Variants in SORT1 observed in about 807,000 individuals in gnomAD.
SORT1 encodes sortilin.
Under a neutral mutation model 101.7 loss-of-function variants are expected in SORT1, and 39 were observed. That is an observed-to-expected ratio of 0.38 (90% CI 0.30 to 0.50). The LOEUF is 0.50. Ranked by LOEUF, SORT1 falls within the 20% of genes least tolerant of loss-of-function variation. The pLI is 0.90. For synonymous variants in SORT1, 396 were observed against 393.7 expected, an observed-to-expected ratio of 1.01 and a Z score of -0.07; for missense variants, 878 against 1,040.4, an observed-to-expected ratio of 0.84 and a Z score of 2.15.
intron 8 of SORT1, among the ~76,000 whole-genome samples, chr1:109,344,147 T>C (rs1324409193): frequency 1.3e-5 from 2 of 152,172 alleles, no homozygotes; most frequent in African/African-American, 4.8e-5. Context: ...ATCCACAGTC[T>C]CACCACCTGC....
chr1:109,349,063 C>T (rs544957414), intron 6 of SORT1, among the ~76,000 whole-genome samples: 1 of 152,248 alleles, frequency 6.6e-6, no homozygotes, highest in African/African-American at 2.4e-5. Flanking sequence ...AAATTACTTC[C>T]ACCTGGTACG....
chr1:109,382,894 C>T (rs895233493), intron 1 of SORT1, among the ~76,000 whole-genome samples: 17 of 152,064 alleles, frequency 1.1e-4, no homozygotes, highest in African/African-American at 3.9e-4. Flanking sequence ...GCAGGGGGCC[C>T]CCATACTTTA....
At chr1:109,323,344 T>C (rs1177856397) in intron 14 of SORT1, among the ~76,000 whole-genome samples, 8 of 152,172 alleles carry the variant, frequency 5.3e-5, no homozygotes, top group Admixed American at 5.2e-4. Flanking sequence ...TCAACATCCA[T>C]CTGAGGATTA....
chr1:109,332,270 T>A (rs1398005265), intron 11 of SORT1, among the ~76,000 whole-genome samples: 1 of 152,234 alleles, frequency 6.6e-6, no homozygotes, highest in Non-Finnish European at 1.5e-5. Flanking sequence ...TTTCAGGCAC[T>A]GTTTTAGGTA....
At chr1:109,350,097 G>T (rs1484420622) in intron 6 of SORT1, among the ~76,000 whole-genome samples, 1 of 152,142 alleles carries the variant, frequency 6.6e-6, no homozygotes. Context: ...TTCTAATGCT[G>T]TTACGTGCTT....
At chr1:109,372,643 G>C (rs753959136) in intron 1 of SORT1, among the ~76,000 whole-genome samples, 2 of 152,158 alleles carry the variant, frequency 1.3e-5, no homozygotes, top group Non-Finnish European at 2.9e-5. Flanking sequence ...AATGGGCCGG[G>C]CGCGGTGGCT....
intron 2 of SORT1, chr1:109,368,365 T>G (rs553865269): frequency 6.6e-6 from 1 of 151,282 alleles, no homozygotes; most frequent in Admixed American, 6.6e-5. Flanking sequence ...TCATGGAAAT[T>G]AGGGTACAAC....
chr1:109,314,722 G>A lies in SORT1; in HGVS notation c.2307C>T (p.Val769=). 4 of 1,611,996 alleles carry A rather than the reference G, an allele frequency of 2.5e-6. No individual in the cohort carries two copies. Among genetic ancestry groups the A allele is most frequent in the Non-Finnish European group, 3.4e-6 (4 of 1,178,132 alleles). The change falls in exon 18 of 20, where the codon GTC becomes GTT. Residue 769 remains valine, a synonymous_variant. Transcript: ENST00000256637. Reference sequence around the variant, plus strand: ...CAATGAGCACTCCTGCTACGACTGTGACCAGCATCAATCCCACGATGGCCA... The same window carrying A: ...CAATGAGCACTCCTGCTACGACTGTAACCAGCATCAATCCCACGATGGCCA... ...IILAIVGLML[V]TVVAGVLIVK...
intron 11 of SORT1, among the ~76,000 whole-genome samples, chr1:109,331,745 G>A (rs930185581): frequency 6.6e-6 from 1 of 151,962 alleles, no homozygotes; most frequent in African/African-American, 2.4e-5. Context: ...AGGTAAAATT[G>A]TCTGTCTGCA....
chr1:109,340,745 T>G lies in SORT1; in HGVS notation c.1243A>C (p.Ile415Leu), dbSNP rs572350298. The G allele has an allele frequency of 1.1e-5, 17 of 1,614,028 alleles. No individual in the cohort carries two copies. Among genetic ancestry groups the G allele is most frequent in the Non-Finnish European group, 1.4e-5 (17 of 1,180,036 alleles). ...TNVTSLRGVYITSVLSEDNSI... is the reference protein window; with the variant it reads ...TNVTSLRGVYLTSVLSEDNSI... Reference sequence around the variant, plus strand: ...TCACCTTCGGAGAGCACGCTTGTTATGTAGACGCCGCGGAGGGAGGTCACG... The same window carrying G: ...TCACCTTCGGAGAGCACGCTTGTTAGGTAGACGCCGCGGAGGGAGGTCACG... The change falls in exon 10 of 20, where the codon ATA becomes CTA. Residue 415 changes from isoleucine (I) to leucine (L), a missense_variant. Physicochemically the swap from Ile to Leu is conservative, Grantham distance 5. This residue lies in a region of SORT1 where 684 missense variants were observed against 894.5 expected (regional missense o/e 0.76). Coordinates refer to ENST00000256637, the MANE Select transcript of SORT1 (RefSeq NM_002959.7).
At chr1:109,363,739 G>C (rs991926331) in intron 3 of SORT1, among the ~76,000 whole-genome samples, 1 of 152,130 alleles carries the variant, frequency 6.6e-6, no homozygotes, top group Non-Finnish European at 1.5e-5. Context: ...ATGGTCTAAC[G>C]AATAATATAA....
rs367837120 is a variant in SORT1 at position 109,375,371 on chromosome 1, G to A, written c.307-5782C>T. On this transcript the variant is annotated intron_variant, in intron 1 of 19. Coordinates refer to ENST00000256637, the MANE Select transcript of SORT1 (RefSeq NM_002959.7). ...AGGTCAGGAGATCAAGACCATCCCC[G>A]TCTCTACTAAAAATACAAAAAATTC... is the stretch of plus-strand genomic sequence containing the variant. 3.3e-5 allele frequency among the ~76,000 whole-genome samples: 5 copies of A among 151,782 alleles called. No individual in the cohort carries two copies. The East Asian group carries it at 7.8e-4, about 24-fold the overall frequency.
chr1:109,314,144 T>C (rs375869256), intron 19 of SORT1, 87 bp from the exon 20 acceptor site: 10 of 1,601,696 alleles, frequency 6.2e-6, no homozygotes, highest in Non-Finnish European at 8.5e-6. Context: ...TGCCAAATCT[T>C]ATGGTCATTA....
chr1:109,387,012 C>T (rs1481003305), intron 1 of SORT1, among the ~76,000 whole-genome samples: 1 of 152,176 alleles, frequency 6.6e-6, no homozygotes, highest in Admixed American at 6.5e-5. Context: ...ATAATTTGGT[C>T]AGGTGCAGTG....
chr1:109,330,000 G>T (rs575852532), intron 11 of SORT1, among the ~76,000 whole-genome samples: 1 of 152,186 alleles, frequency 6.6e-6, no homozygotes, highest in African/African-American at 2.4e-5. Context: ...ATCACCTCAA[G>T]TATCCTTTCT....
chr1:109,374,297 A>G (rs1651676132), intron 1 of SORT1, among the ~76,000 whole-genome samples: 1 of 151,822 alleles, frequency 6.6e-6, no homozygotes, highest in Admixed American at 6.6e-5. Flanking sequence ...TTTTTTAAAG[A>G]CCCAGTGGCT....
At chr1:109,393,308 G>A in intron 1 of SORT1, 2 of 985,220 alleles carry the variant, frequency 2.0e-6, no homozygotes, top group Non-Finnish European at 2.4e-6. Context: ...CAGGAGCAGA[G>A]GGAGGACAGA....
intron 19 of SORT1, 27 bp downstream of exon 19, chr1:109,314,234 C>A (rs372788600): frequency 6.4e-6 from 10 of 1,572,722 alleles, no homozygotes; most frequent in African/African-American, 1.4e-5. Context: ...GGGGGGGGTA[C>A]TACCATTCAA....
At chr1:109,360,284 C>T (rs1045722009) in intron 3 of SORT1, among the ~76,000 whole-genome samples, 2 of 152,024 alleles carry the variant, frequency 1.3e-5, no homozygotes, top group African/African-American at 2.4e-5. Flanking sequence ...TACAATGAGC[C>T]GTGATCATGA....
Sources: allele counts gnomAD v4.1 joint callset (sites outside exome capture counted in the v4.1 genomes callset), GRCh38; gene constraint gnomAD v4.1.1; regional missense constraint gnomAD v4.1.1; transcripts MANE v1.5; gene names NCBI Gene and HGNC (gene_info 2026-07-23, HGNC 2026-07-21).